Variants in ETNPPL observed in about 807,000 individuals in gnomAD.
The protein encoded by ETNPPL is ethanolamine-phosphate phospho-lyase.
Under a neutral mutation model 55.5 loss-of-function variants are expected in ETNPPL, and 30 were observed. The observed-to-expected ratio is 0.54, with a 90% CI of 0.40 to 0.73. The LOEUF (loss-of-function observed/expected upper bound fraction) is 0.73. ETNPPL is among the 30% of genes least tolerant of loss of function. ETNPPL has a pLI of 0.00. For synonymous variants in ETNPPL, 202 were observed against 207.2 expected (o/e 0.98, Z 0.21); for missense variants, 528 against 607.9 (o/e 0.87, Z 1.38).
At chr4:108,750,908 A>G in intron 7 of ETNPPL, 28 bp downstream of exon 7, 2 of 1,531,696 alleles carry the variant, frequency 1.3e-6, no homozygotes, top group Non-Finnish European at 1.8e-6. Context: ...TCTCAGTTTG[A>G]CCAAGGAGGC....
At chr4:108,742,710 A>G (rs1466014924) in intron 12 of ETNPPL, 98 bp from the exon 13 acceptor site, 5 of 1,416,142 alleles carry the variant, frequency 3.5e-6, no homozygotes, top group Non-Finnish European at 4.9e-6. Flanking sequence ...AAGGACACAG[A>G]AAAACCAAAC....
chr4:108,742,161 C>T lies in ETNPPL; in HGVS notation c.*323G>A. The T allele has an allele frequency of 1.1e-5, 2 of 190,208 alleles. No homozygotes were observed. Among genetic ancestry groups the T allele is most frequent in the East Asian group, 1.2e-4 (1 of 8,636 alleles). 11.8% of individuals were successfully genotyped at this position (190,208 alleles called of 1,614,324 possible). ...CTCAAAAGTGAAGGCACCTGTTATA[C>T]TTTGCTCTCTAATTTGACACATTAA... On this transcript the variant is annotated 3_prime_UTR_variant, in exon 13 of 13. Coordinates refer to ENST00000296486, the MANE Select transcript of ETNPPL (RefSeq NM_031279.4).
In ETNPPL at chr4:108,759,883, G is replaced by C; in HGVS notation, c.201C>G (p.Val67=). The change falls in exon 3 of 13, where the codon GTC becomes GTG. Residue 67 remains valine, a synonymous_variant. Transcript: ENST00000296486. Reference sequence around the variant, plus strand: ...GTTCCATCTGTTTCAGGGCAGCTTTGACCACTCCTGGGTGACAGTGTCCCA... The same window carrying C: ...GTTCCATCTGTTTCAGGGCAGCTTTCACCACTCCTGGGTGACAGTGTCCCA... ...AHVGHCHPGV[V]KAALKQMELL... 1 of 1,614,102 alleles carries C rather than the reference G, an allele frequency of 6.2e-7. No homozygotes were observed. The highest frequency in any genetic ancestry group is 8.5e-7 in the Non-Finnish European group (1 of 1,179,996).
At position 108,762,863 on chromosome 4, in the gene ETNPPL, C is replaced by T. The variant is rs1484059849; in HGVS notation, c.36G>A (p.Gly12=). The T allele has an allele frequency of 6.2e-7, 1 of 1,614,124 alleles. No individual in the cohort carries two copies. Residue 12 remains glycine, a synonymous_variant, in exon 1 of 13, where the codon GGG becomes GGA. Transcript: ENST00000296486. ...CTTACCCGATGTGCTTCTTCCTCAG[C>T]CCCAGAGTGTCCCGCTTACTGTACA... ...CELYSKRDTL[G]LRKKHIGPSC... is the part of the protein sequence containing the mutation.
chr4:108,747,916 G>T, intron 9 of ETNPPL, 89 bp downstream of exon 9: 1 of 1,116,564 alleles, frequency 9.0e-7, no homozygotes, highest in Non-Finnish European at 1.3e-6. Context: ...TTTTAATAGA[G>T]ACGGGGTCTC....
At position 108,742,215 on chromosome 4, in the gene ETNPPL, T is replaced by G. The variant is rs4956208; in HGVS notation, c.*269A>C. 26,004 of 265,230 alleles carry G rather than the reference T, an allele frequency of 0.098. 2,704 individuals carry two copies. The highest frequency in any genetic ancestry group is 0.49 in the East Asian group (7,106 of 14,422). 16.4% of individuals were successfully genotyped at this position (265,230 alleles called of 1,614,324 possible). A position where few individuals can be genotyped will look rare whatever the true frequency, so the allele number is the denominator to read the frequency against. ...ATGAGAGGTAAATCTGCCAATTTAT[T>G]TTGAGTTTGCAAGCTTACAATTTAA... On this transcript the variant is annotated 3_prime_UTR_variant, in exon 13 of 13. Transcript: ENST00000296486.
In ETNPPL at chr4:108,745,375, T is replaced by C. The variant is rs111904108; in HGVS notation, c.1303+1024A>G. On this transcript the variant is annotated intron_variant, in intron 11 of 12. Transcript: ENST00000296486. ...ACTTTGGGAGGCTGAGGTGAGCAGA[T>C]CACGAGGTCGGGAGTTCGAGACCAG... Among the ~76,000 whole-genome samples the C allele has an allele frequency of 3.9e-5, 6 of 152,184 alleles. 2 individuals are homozygous for C. Among genetic ancestry groups the C allele is most frequent in the African/African-American group, 1.4e-4 (6 of 41,540 alleles).
intron 1 of ETNPPL, chr4:108,762,285 AT>A: frequency 2.2e-6 from 1 of 450,752 alleles, no homozygotes; most frequent in Non-Finnish European, 4.5e-6. Flanking sequence ...AGGGATCTAA[AT>A]AAAGTCTCTG....
intron 6 of ETNPPL, among the ~76,000 whole-genome samples, chr4:108,752,534 G>A (rs766945147): frequency 2.4e-4 from 37 of 152,112 alleles, no homozygotes; most frequent in Non-Finnish European, 5.1e-4. Flanking sequence ...CTCCCTTGTG[G>A]GTCTGGAAAT....
intron 1 of ETNPPL, among the ~76,000 whole-genome samples, chr4:108,760,724 C>A (rs773479609): frequency 6.6e-6 from 1 of 152,084 alleles, no homozygotes; most frequent in Non-Finnish European, 1.5e-5. Flanking sequence ...TGTCAACAAT[C>A]CTATGAAAGA....
chr4:108,762,581 C>T lies in ETNPPL; in HGVS notation c.56+262G>A, dbSNP rs930295404. ...TCCACCAACCCCTCTAGCCGGCCGGCAGCCCCCGCTAGTCCGCCGGCTGCA... is the reference window on the plus strand; with the variant it reads ...TCCACCAACCCCTCTAGCCGGCCGGTAGCCCCCGCTAGTCCGCCGGCTGCA... On this transcript the variant is annotated intron_variant, in intron 1 of 12. Coordinates refer to ENST00000296486, the MANE Select transcript of ETNPPL (RefSeq NM_031279.4). 24 of 627,900 alleles carry T rather than the reference C, an allele frequency of 3.8e-5. No homozygotes were observed. In the African/African-American group the frequency reaches 4.4e-4, roughly 11 times the overall value. The allele number at this position is 627,900 out of a possible 1,614,324, so 38.9% of individuals were successfully genotyped here.
At chr4:108,760,145 C>G (rs183930164) in intron 2 of ETNPPL, 43 bp downstream of exon 2, 86 of 1,376,816 alleles carry the variant, frequency 6.2e-5, no homozygotes, top group Middle Eastern at 1.8e-4. Context: ...AGCTTTACTC[C>G]ATGAACATTT....
At position 108,759,752 on chromosome 4, in the gene ETNPPL, G is replaced by C; in HGVS notation, c.332C>G (p.Ser111Ter). 6.2e-7 allele frequency: 1 copy of C among 1,614,000 alleles called. No individual in the cohort carries two copies. The highest frequency in any genetic ancestry group is 1.1e-5 in the South Asian group (1 of 91,042). The stretch of plus-strand genomic sequence containing the variant: ...GGTGGGAAACCATGAAGCATACCCT[G>C]AATTTGTAAAATAACAAACAGAGAG... ...EKLSVCYFTNSGSEANDLALR... is the reference protein window; with the variant it reads ...EKLSVCYFTN Residue 111 changes from serine (S) to a stop codon, truncating the protein, a stop_gained, in exon 3 of 13, where the codon TCA (serine) becomes TGA (stop). Transcript: ENST00000296486. LOFTEE classifies it high-confidence loss of function.
chr4:108,762,830 A>G lies in ETNPPL; in HGVS notation c.56+13T>C, dbSNP rs1729582579. On this transcript the variant is annotated intron_variant, in intron 1 of 12. Transcript: ENST00000296486. ...CCCTCTCTGCACTTACTTCCGGGCC[A>G]GGGTGCCCTTACCCGATGTGCTTCT... is the stretch of plus-strand genomic sequence containing the variant. The G allele has an allele frequency of 3.1e-6, 5 of 1,613,842 alleles. No homozygotes were observed. Among genetic ancestry groups the G allele is most frequent in the Middle Eastern group, 3.3e-4 (2 of 6,084 alleles).
At chr4:108,750,625 A>ATTTATATATATATC (rs1553933962) in intron 7 of ETNPPL, among the ~76,000 whole-genome samples, 1 of 122,890 alleles carries the variant, frequency 8.1e-6, no homozygotes, top group African/African-American at 3.8e-5. Context: ...ATATATATAT[A>ATTTATATATATATC]TCCTATTAGT....
chr4:108,762,374 GA>G (rs1261791692), intron 1 of ETNPPL: 1 of 476,462 alleles, frequency 2.1e-6, no homozygotes, highest in Non-Finnish European at 4.2e-6. Context: ...CATGCAAGAA[GA>G]AAAAGCTCAC....
chr4:108,750,837 T>C, intron 7 of ETNPPL, 99 bp downstream of exon 7: 1 of 892,784 alleles, frequency 1.1e-6, no homozygotes, highest in Middle Eastern at 2.3e-4. Flanking sequence ...ATTTACCAGC[T>C]AATCAGGAAT....
rs1384540683 is a variant in ETNPPL at position 108,742,477 on chromosome 4, A to G, written c.*7T>C. ...GACATCGCATCTTGCTTTAAAATGC[A>G]AATCAGTCATGTCTTGAGCCTCTTA... On this transcript the variant is annotated 3_prime_UTR_variant, in exon 13 of 13. Coordinates refer to ENST00000296486, the MANE Select transcript of ETNPPL (RefSeq NM_031279.4). 1 of 1,614,026 alleles carries G rather than the reference A, an allele frequency of 6.2e-7. No homozygotes were observed. Among genetic ancestry groups the G allele is most frequent in the African/African-American group, 1.3e-5 (1 of 75,054 alleles).
In ETNPPL at chr4:108,743,777, G is replaced by T. The variant is rs369337532; in HGVS notation, c.1371+12C>A. On this transcript the variant is annotated intron_variant, in intron 12 of 12. Transcript: ENST00000296486. ...AAACTTTCCCCCTAAAAATAAAGTA[G>T]CCAACCCTTACCTTTGTTTTGCATG... 9 of 1,589,490 alleles carry T rather than the reference G, an allele frequency of 5.7e-6. No individual in the cohort carries two copies. Among genetic ancestry groups the T allele is most frequent in the Non-Finnish European group, 8.6e-7 (1 of 1,160,008 alleles).
Sources: gnomAD v4.1 joint callset for allele counts (sites outside exome capture counted in the v4.1 genomes callset) on GRCh38, gnomAD v4.1.1 for gene constraint, MANE v1.5 for transcripts, NCBI Gene and HGNC (gene_info 2026-07-23, HGNC 2026-07-21) for gene names.